Variants in MNAT1 observed in about 807,000 individuals in gnomAD.
MNAT1 encodes the protein MNAT1 component of CDK activating kinase.
In MNAT1, 43 loss-of-function variants were observed where a neutral mutation model predicts 42.0. That is an observed-to-expected ratio of 1.02 (90% CI 0.80 to 1.32). The LOEUF is 1.32. Ranked by LOEUF, MNAT1 falls within the 40% of genes most tolerant of loss-of-function variation. The pLI is 0.00. For missense variants in MNAT1, 306 were observed against 350.4 expected, an observed-to-expected ratio of 0.87 and a Z score of 1.01; for synonymous variants, 118 against 120.0, an observed-to-expected ratio of 0.98 and a Z score of 0.11.
At chr14:60,787,018 A>G (rs2031673037) in intron 1 of MNAT1, among the ~76,000 whole-genome samples, 1 of 152,190 alleles carries the variant, frequency 6.6e-6, no homozygotes, top group Admixed American at 6.5e-5. Context: ...AAGTAGAATT[A>G]TAGTAAAGGT....
At chr14:60,950,851 A>G (rs187400198) in intron 7 of MNAT1, among the ~76,000 whole-genome samples, 1 of 152,350 alleles carries the variant, frequency 6.6e-6, no homozygotes, top group East Asian at 1.9e-4. Flanking sequence ...TTAACTAATC[A>G]GAACCTAATT....
chr14:60,948,301 C>T (rs1443922352), intron 7 of MNAT1, among the ~76,000 whole-genome samples: 2 of 152,078 alleles, frequency 1.3e-5, no homozygotes, highest in Non-Finnish European at 2.9e-5. Flanking sequence ...CATGGTGGTG[C>T]ATGCCTGTAG....
intron 6 of MNAT1, among the ~76,000 whole-genome samples, chr14:60,872,798 A>G (rs2034354267): frequency 6.6e-6 from 1 of 151,678 alleles, no homozygotes; most frequent in African/African-American, 2.4e-5. Flanking sequence ...CCTAGATTCA[A>G]TAATCTGTAA....
rs1196622130 is a variant in MNAT1 at position 60,831,758 on chromosome 14, C to T, written c.687+12911C>T. Among the ~76,000 whole-genome samples the T allele has an allele frequency of 2.0e-5, 3 of 152,338 alleles. No individual in the cohort carries two copies. The South Asian group carries it at 6.2e-4, about 32-fold the overall frequency. ...GATCCTTGAGGAATTGCCACACTGT[C>T]TTCCATAATGGTTGAATTAATTTAC... On this transcript the variant is annotated intron_variant, in intron 6 of 7. Coordinates refer to ENST00000261245, the MANE Select transcript of MNAT1 (RefSeq NM_002431.4).
intron 1 of MNAT1, among the ~76,000 whole-genome samples, chr14:60,788,189 TCATGTCCTTGCA>T (rs1282328719): frequency 6.6e-6 from 1 of 152,134 alleles, no homozygotes; most frequent in Non-Finnish European, 1.5e-5. Context: ...AAAACAACAT[TCATGTCCTTGCA>T]CATATCCATC....
At chr14:60,746,970 A>T (rs1366771631) in intron 1 of MNAT1, among the ~76,000 whole-genome samples, 1 of 48,958 alleles carries the variant, frequency 2.0e-5, no homozygotes, top group Non-Finnish European at 5.6e-5. Flanking sequence ...ACACACACAC[A>T]CACACACAAA....
At chr14:60,862,654 G>T (rs1316662664) in intron 6 of MNAT1, among the ~76,000 whole-genome samples, 5 of 152,154 alleles carry the variant, frequency 3.3e-5, no homozygotes, top group Non-Finnish European at 5.9e-5. Flanking sequence ...AGAGTTACTT[G>T]AGATTCAAAA....
chr14:60,749,239 C>G (rs550734590), intron 1 of MNAT1, among the ~76,000 whole-genome samples: 1 of 152,244 alleles, frequency 6.6e-6, no homozygotes, highest in African/African-American at 2.4e-5. Flanking sequence ...GTTATGTTCT[C>G]AAACTTGTAT....
At chr14:60,929,596 C>T (rs1310722762) in intron 7 of MNAT1, among the ~76,000 whole-genome samples, 2 of 152,050 alleles carry the variant, frequency 1.3e-5, no homozygotes, top group Non-Finnish European at 2.9e-5. Context: ...CTATTATCCC[C>T]AGTAATTCCT....
At chr14:60,959,132 T>C (rs2036541874) in intron 7 of MNAT1, among the ~76,000 whole-genome samples, 1 of 152,174 alleles carries the variant, frequency 6.6e-6, no homozygotes. Context: ...TGGCCAAACC[T>C]GCAGGGGGTC....
chr14:60,822,871 C>G (rs1176879806), intron 6 of MNAT1, among the ~76,000 whole-genome samples: 1 of 152,110 alleles, frequency 6.6e-6, no homozygotes, highest in Non-Finnish European at 1.5e-5. Flanking sequence ...ATTCTCCCAC[C>G]TCATCCTCCC....
intron 7 of MNAT1, among the ~76,000 whole-genome samples, chr14:60,926,177 A>G (rs2035759664): frequency 6.6e-6 from 1 of 152,162 alleles, no homozygotes; most frequent in African/African-American, 2.4e-5. Context: ...GTTGAAAGAG[A>G]TATGAAAAAA....
intron 5 of MNAT1, among the ~76,000 whole-genome samples, chr14:60,817,769 T>C (rs1428617111): frequency 6.6e-6 from 1 of 152,040 alleles, no homozygotes; most frequent in Admixed American, 6.5e-5. Flanking sequence ...TTAACATCTA[T>C]AGCCTCTTTG....
intron 1 of MNAT1, among the ~76,000 whole-genome samples, chr14:60,785,516 T>G (rs1334276991): frequency 6.6e-6 from 1 of 152,238 alleles, no homozygotes; most frequent in East Asian, 1.9e-4. Context: ...GAGAACATTG[T>G]ATTTTTAGAA....
intron 1 of MNAT1, among the ~76,000 whole-genome samples, chr14:60,791,664 C>T (rs1345698446): frequency 6.6e-6 from 1 of 152,082 alleles, no homozygotes; most frequent in Admixed American, 6.6e-5. Flanking sequence ...TAACTGGATC[C>T]CGTGGCTAAT....
intron 1 of MNAT1, among the ~76,000 whole-genome samples, chr14:60,770,227 C>T (rs1050812196): frequency 6.6e-6 from 1 of 152,056 alleles, no homozygotes; most frequent in Non-Finnish European, 1.5e-5. Flanking sequence ...GCATAATATT[C>T]TTGAGGTTCA....
At chr14:60,868,913 C>A (rs577380169) in intron 6 of MNAT1, among the ~76,000 whole-genome samples, 4 of 151,414 alleles carry the variant, frequency 2.6e-5, no homozygotes, top group African/African-American at 9.7e-5. Context: ...CAATTGTTTA[C>A]GCTTAGTAAG....
chr14:60,818,915 G>A (rs898149733), intron 6 of MNAT1, 68 bp downstream of exon 6: 29 of 1,528,650 alleles, frequency 1.9e-5, no homozygotes, highest in East Asian at 4.5e-5. Context: ...AATTTTACAC[G>A]ATTTCTATAG....
intron 6 of MNAT1, among the ~76,000 whole-genome samples, chr14:60,822,171 A>C (rs1339711682): frequency 2.0e-5 from 3 of 152,170 alleles, no homozygotes; most frequent in Non-Finnish European, 4.4e-5. Context: ...AGGCAGCATC[A>C]GATCTACAAC....
Sources: gnomAD v4.1 joint callset for allele counts (sites outside exome capture counted in the v4.1 genomes callset) on GRCh38, gnomAD v4.1.1 for gene constraint, MANE v1.5 for transcripts, NCBI Gene and HGNC (gene_info 2026-07-23, HGNC 2026-07-21) for gene names.